The following NDRG1 variants were observed in gnomAD, a reference collection of about 807,000 sequenced individuals.
The protein encoded by NDRG1 is N-myc downstream regulated 1, also known as protein NDRG1.
Under a neutral mutation model 56.9 loss-of-function variants are expected in NDRG1, and 32 were observed. The observed-to-expected ratio is 0.56, with a 90% CI of 0.42 to 0.76. The LOEUF (loss-of-function observed/expected upper bound fraction) is 0.76. Ranked by LOEUF, NDRG1 falls within the 30% of genes least tolerant of loss-of-function variation. The pLI, the probability that NDRG1 is intolerant of heterozygous loss-of-function variation, is 0.00. For synonymous variants in NDRG1, 211 were observed against 204.1 expected (o/e 1.03, Z -0.29); for missense variants, 507 against 545.7 (o/e 0.93, Z 0.71).
Position 133,262,064 on chromosome 8 carries a change from T to C in NDRG1, c.309A>G (p.Ala103=). 1.2e-6 allele frequency: 2 copies of C among 1,613,306 alleles called. No individual in the cohort carries two copies. The highest frequency in any genetic ancestry group is 1.7e-6 in the Non-Finnish European group (2 of 1,179,488). The change falls in exon 5 of 16, where the codon GCA becomes GCG. Residue 103 remains alanine, a synonymous_variant. Transcript: ENST00000323851. ...HVDAPGQQDG[A]ASFPAGYMYP... is the part of the protein sequence containing the mutation. ...CCTCTCACCCTGCGGGGAAGGAGGC[T>C]GCGCCGTCCTGCTGGCCAGGGGCGT...
chr8:133,239,202 T>C lies in NDRG1; in HGVS notation c.944-83A>G, dbSNP rs1855245931. On this transcript the variant is annotated intron_variant, in intron 15 of 15. Transcript: ENST00000323851. Reference sequence around the variant, plus strand: ...GCATGCCCGTCCACCAGCCACATGCTCTTCTACGTGCCAGCCCCAGAGAAG... The same window carrying C: ...GCATGCCCGTCCACCAGCCACATGCCCTTCTACGTGCCAGCCCCAGAGAAG... 5 of 1,539,094 alleles carry C rather than the reference T, an allele frequency of 3.2e-6. No homozygotes were observed. In the Admixed American group the frequency reaches 9.8e-5, roughly 30 times the overall value.
At chr8:133,270,669 T>G (rs938212278) in intron 3 of NDRG1, among the ~76,000 whole-genome samples, 4 of 152,212 alleles carry the variant, frequency 2.6e-5, no homozygotes, top group African/African-American at 9.6e-5. Context: ...CAAAGCCGCA[T>G]GCTCAGGTGA....
intron 14 of NDRG1, among the ~76,000 whole-genome samples, chr8:133,243,923 C>T (rs1855520661): frequency 6.6e-6 from 1 of 151,794 alleles, no homozygotes; most frequent in African/African-American, 2.4e-5. Context: ...TACACATGCA[C>T]ACAGACATGT....
In NDRG1 at chr8:133,238,044, A is replaced by T. The variant is rs79281324; in HGVS notation, c.*834T>A. 5,654 of 233,102 alleles carry T rather than the reference A, an allele frequency of 0.024. 313 individuals carry two copies. Among genetic ancestry groups the T allele is most frequent in the African/African-American group, 0.11 (5,206 of 45,410 alleles). The allele number at this position is 233,102 out of a possible 1,614,324, so 14.4% of individuals were successfully genotyped here. On this transcript the variant is annotated 3_prime_UTR_variant, in exon 16 of 16. Coordinates refer to ENST00000323851, the MANE Select transcript of NDRG1 (RefSeq NM_006096.4). ...CAAATCTAAATGATCTTCTCCCTGA[A>T]CAAGAATAATCACTGGCTCATGTAT...
intron 3 of NDRG1, among the ~76,000 whole-genome samples, chr8:133,273,972 G>C (rs542414640): frequency 6.6e-6 from 1 of 152,142 alleles, no homozygotes; most frequent in Non-Finnish European, 1.5e-5. Flanking sequence ...AGCCGAGCCA[G>C]ATCAGACCGT....
chr8:133,262,103 G>A lies in NDRG1; in HGVS notation c.270C>T (p.Ala90=), dbSNP rs200328537. 53 of 1,614,164 alleles carry A rather than the reference G, an allele frequency of 3.3e-5. No homozygotes were observed. The highest frequency in any genetic ancestry group is 4.0e-5 in the African/African-American group (3 of 75,068). The change falls in exon 5 of 16, where the codon GCC becomes GCT. Residue 90 remains alanine, a synonymous_variant. Coordinates refer to ENST00000323851, the MANE Select transcript of NDRG1 (RefSeq NM_006096.4). ...EDMQEITQHF[A]VCHVDAPGQQ... ...GGCCAGGGGCGTCCACGTGGCAGAC[G>A]GCAAAGTGCTGGGTGATCTCCTGCA...
rs1855116508 is a variant in NDRG1 at position 133,237,478 on chromosome 8, A to T, written c.*1400T>A. On this transcript the variant is annotated 3_prime_UTR_variant, in exon 16 of 16. Coordinates refer to ENST00000323851, the MANE Select transcript of NDRG1 (RefSeq NM_006096.4). ...ATTCACTCTGACCAAACTTCCTATG[A>T]GAAAATCCACGGTGAGCCAAAATGA... 1 of 232,886 alleles carries T rather than the reference A, an allele frequency of 4.3e-6. No individual in the cohort carries two copies. The highest frequency in any genetic ancestry group is 8.5e-6 in the Non-Finnish European group (1 of 117,890). The allele number at this position is 232,886 out of a possible 1,614,324, so 14.4% of individuals were successfully genotyped here. A position where few individuals can be genotyped will look rare whatever the true frequency, so the allele number is the denominator to read the frequency against.
Position 133,244,379 on chromosome 8 carries a change from A to T in NDRG1, c.867T>A (p.Cys289Ter), listed in dbSNP as rs748786570. Reference protein sequence around the residue: ...TKTTLLKMADCGGLPQISQPA... With the variant: ...TKTTLLKMAD ...CCTGGGAGATCTGCGGGAGGCCGCC[A>T]CAGTCCGCCATCTAGGAGAGAGGGA... is the stretch of plus-strand genomic sequence containing the variant. The change falls in exon 14 of 16, where the codon TGT becomes TGA. Residue 289 changes from cysteine (C) to a stop codon, truncating the protein, a stop_gained. Coordinates refer to ENST00000323851, the MANE Select transcript of NDRG1 (RefSeq NM_006096.4). LOFTEE classifies it high-confidence loss of function. 6.2e-7 allele frequency: 1 copy of T among 1,614,250 alleles called. No homozygotes were observed.
At chr8:133,256,741 C>T in intron 8 of NDRG1, 36 bp downstream of exon 8, 2 of 1,604,358 alleles carry the variant, frequency 1.2e-6, no homozygotes, top group South Asian at 2.2e-5. Context: ...CCTCTTCTTG[C>T]AGGGATCCCG....
chr8:133,264,584 CCGGTTTCCCTTGGGAGTCCCACACAG>C lies in NDRG1; in HGVS notation c.142_167del (p.Leu48AlafsTer8). On this transcript the variant is annotated frameshift_variant, in exon 4 of 16. Transcript: ENST00000323851. LOFTEE classifies it high-confidence loss of function. ...TGTCATGGTAGGTGAGGATGACAGG[CCGGTTTCCCTTGGGAGTCCCACACAG>C]CGTGACGTGAACAGAGCCATGTAAA... 1 of 1,614,240 alleles carries C rather than the reference CCGGTTTCCCTTGGGAGTCCCACACAG, an allele frequency of 6.2e-7. No individual in the cohort carries two copies. Among genetic ancestry groups the C allele is most frequent in the Non-Finnish European group, 8.5e-7 (1 of 1,180,042 alleles).
At chr8:133,293,522 T>A (rs1320526292) in intron 1 of NDRG1, among the ~76,000 whole-genome samples, 1 of 152,190 alleles carries the variant, frequency 6.6e-6, no homozygotes. Context: ...AAGAATGTCT[T>A]CTACCTCAGT....
rs114733801 is a variant in NDRG1 at position 133,289,113 on chromosome 8, G to T, written c.-18-4784C>A. Among the ~76,000 whole-genome samples, 602 of 152,222 alleles carry T rather than the reference G, an allele frequency of 4.0e-3. 6 individuals are homozygous for T. The highest frequency in any genetic ancestry group is 0.013 in the African/African-American group (542 of 41,534). On this transcript the variant is annotated intron_variant, in intron 1 of 15. Transcript: ENST00000323851. Reference sequence around the variant, plus strand: ...TTGTTTTTTAGAGAGACAGGGTCTTGCTATGTTGCCCAGACTGGTCTCAAA... The same window carrying T: ...TTGTTTTTTAGAGAGACAGGGTCTTTCTATGTTGCCCAGACTGGTCTCAAA...
chr8:133,242,218 A>G (rs1855427347), intron 14 of NDRG1, 144 bp from the exon 15 acceptor site: 1 of 814,894 alleles, frequency 1.2e-6, no homozygotes, highest in Admixed American at 2.0e-5. Flanking sequence ...ACAAAACACA[A>G]AAGTAAGAGT....
In NDRG1 at chr8:133,238,577, GTT is replaced by G. The variant is rs774558380; in HGVS notation, c.*299_*300del. The G allele has an allele frequency of 1.1e-4, 54 of 499,244 alleles. No homozygotes were observed. Among genetic ancestry groups the G allele is most frequent in the Non-Finnish European group, 1.8e-4 (50 of 280,236 alleles). 30.9% of individuals were successfully genotyped at this position (499,244 alleles called of 1,614,324 possible). ...TGAAGTGTGTGCTGCTACGCGTCTT[GTT>G]TTTGGCAGTTTGGTGTCTCTGAGGG... On this transcript the variant is annotated 3_prime_UTR_variant, in exon 16 of 16. Coordinates refer to ENST00000323851, the MANE Select transcript of NDRG1 (RefSeq NM_006096.4).
At chr8:133,287,144 T>C (rs956438208) in intron 1 of NDRG1, among the ~76,000 whole-genome samples, 2 of 152,172 alleles carry the variant, frequency 1.3e-5, no homozygotes, top group Admixed American at 6.5e-5. Context: ...AAGGAAATCA[T>C]GTAAGGAAGT....
chr8:133,258,925 G>C, intron 6 of NDRG1: 1 of 585,960 alleles, frequency 1.7e-6, no homozygotes, highest in Non-Finnish European at 3.1e-6. Context: ...CAAATGGGTG[G>C]GGCAGCTGCC....
At chr8:133,268,259 G>C (rs1392640335) in intron 3 of NDRG1, among the ~76,000 whole-genome samples, 1 of 152,014 alleles carries the variant, frequency 6.6e-6, no homozygotes, top group Admixed American at 6.5e-5. Flanking sequence ...ATCCATGTTG[G>C]GATCTTCCCC....
intron 14 of NDRG1, among the ~76,000 whole-genome samples, chr8:133,242,684 G>T (rs192307436): frequency 6.7e-6 from 1 of 149,170 alleles, no homozygotes; most frequent in Non-Finnish European, 1.5e-5. Flanking sequence ...TAGATGGATG[G>T]GTGGAAAGAA....
At chr8:133,264,345 G>A (rs1856805523) in intron 4 of NDRG1, among the ~76,000 whole-genome samples, 1 of 152,198 alleles carries the variant, frequency 6.6e-6, no homozygotes, top group Non-Finnish European at 1.5e-5. Context: ...CAGCGCCTCC[G>A]GGCACACAGA....
Sources: allele counts gnomAD v4.1 joint callset (sites outside exome capture counted in the v4.1 genomes callset), GRCh38; gene constraint gnomAD v4.1.1; transcripts MANE v1.5; gene names NCBI Gene and HGNC (gene_info 2026-07-23, HGNC 2026-07-21).